NCAM2: variants seen among roughly 807,000 people sequenced by gnomAD.
NCAM2 encodes N-CAM-2.
A neutral mutation model predicts 98.1 loss-of-function variants in NCAM2; 30 were observed. That is an observed-to-expected ratio of 0.31 (90% CI 0.23 to 0.41). The LOEUF is 0.41. Among genes scored for constraint, NCAM2 ranks in the 10% least tolerant of loss-of-function variants. The pLI, the probability that NCAM2 is intolerant of heterozygous loss-of-function variation, is 1.00. For synonymous variants in NCAM2, 368 were observed against 342.4 expected (o/e 1.07, Z -0.83); for missense variants, 867 against 1,005.8 (o/e 0.86, Z 1.87).
At chr21:21,089,840 T>A (rs944500732) in intron 1 of NCAM2, among the ~76,000 whole-genome samples, 2 of 152,196 alleles carry the variant, frequency 1.3e-5, no homozygotes, top group African/African-American at 4.8e-5. Flanking sequence ...CGTATATGGC[T>A]TGTGTGCATG....
At chr21:21,530,303 TTAA>T (rs1569142131) in intron 16 of NCAM2, among the ~76,000 whole-genome samples, 1 of 106,944 alleles carries the variant, frequency 9.4e-6, no homozygotes, top group African/African-American at 3.3e-5. Context: ...TATAATTAAA[TTAA>T]ATTATATATA....
intron 14 of NCAM2, among the ~76,000 whole-genome samples, chr21:21,474,755 A>C (rs1257846132): frequency 6.6e-6 from 1 of 151,992 alleles, no homozygotes; most frequent in African/African-American, 2.4e-5. Context: ...TGTCCTTGCC[A>C]TACACCCCTT....
At chr21:21,526,429 A>C (rs1209188134) in intron 16 of NCAM2, among the ~76,000 whole-genome samples, 1 of 152,140 alleles carries the variant, frequency 6.6e-6, no homozygotes, top group East Asian at 1.9e-4. Context: ...TAAAATATGT[A>C]CAAGATCTAT....
intron 1 of NCAM2, among the ~76,000 whole-genome samples, chr21:21,201,730 C>G (rs143814366): frequency 1.4e-4 from 21 of 152,262 alleles, no homozygotes; most frequent in African/African-American, 5.1e-4. Flanking sequence ...TCATTCCTAG[C>G]TGCACGATTG....
chr21:21,539,938 T>G lies in NCAM2; in HGVS notation c.*1981T>G, dbSNP rs1990162937. On this transcript the variant is annotated 3_prime_UTR_variant, in exon 18 of 18. Transcript: ENST00000400546. ...TGTTGTTTGTTTTGTTTTGTACCAG[T>G]GTACTAAAACTAGTCAAAATACTTG... is the stretch of plus-strand genomic sequence containing the variant. 6.6e-6 allele frequency: 1 copy of G among 152,172 alleles called. No individual in the cohort carries two copies. Among genetic ancestry groups the G allele is most frequent in the South Asian group, 2.1e-4 (1 of 4,836 alleles). 9.4% of individuals were successfully genotyped at this position (152,172 alleles called of 1,614,324 possible). A position where few individuals can be genotyped will look rare whatever the true frequency, so the allele number is the denominator to read the frequency against.
At chr21:21,024,714 A>G (rs1446811006) in intron 1 of NCAM2, among the ~76,000 whole-genome samples, 2 of 152,086 alleles carry the variant, frequency 1.3e-5, no homozygotes, top group East Asian at 1.9e-4. Context: ...CGTCTCTACT[A>G]AAAATACAGA....
intron 1 of NCAM2, among the ~76,000 whole-genome samples, chr21:21,127,444 A>G (rs2066850122): frequency 6.6e-6 from 1 of 152,060 alleles, no homozygotes; most frequent in Non-Finnish European, 1.5e-5. Flanking sequence ...AACATTATTT[A>G]TTTATTTGTT....
At chr21:21,364,422 A>G (rs574326102) in intron 8 of NCAM2, among the ~76,000 whole-genome samples, 1 of 152,128 alleles carries the variant, frequency 6.6e-6, no homozygotes, top group East Asian at 1.9e-4. Flanking sequence ...ATCATTCAGC[A>G]TGTCTCCATA....
rs1262726038 is a variant in NCAM2 at position 21,295,561 on chromosome 21, C to G, written c.619+3320C>G. 2.1e-4 allele frequency among the ~76,000 whole-genome samples: 32 copies of G among 151,800 alleles called. No homozygotes were observed. The Admixed American group carries it at 2.1e-3, about 10-fold the overall frequency. ...GAAGCAAACAAAATACACACCATGA[C>G]TGAAATCAAACTTCAAGAAAACATC... On this transcript the variant is annotated intron_variant, in intron 5 of 17. Transcript: ENST00000400546.
At chr21:21,183,932 A>G (rs535108124) in intron 1 of NCAM2, among the ~76,000 whole-genome samples, 7 of 152,138 alleles carry the variant, frequency 4.6e-5, no homozygotes, top group African/African-American at 1.7e-4. Flanking sequence ...CAGTTGATAC[A>G]TGTAAAGAGA....
chr21:21,037,042 C>G lies in NCAM2; in HGVS notation c.55+38424C>G, dbSNP rs530621495. Among the ~76,000 whole-genome samples the G allele has an allele frequency of 1.6e-4, 24 of 151,968 alleles. No individual in the cohort carries two copies. The East Asian group carries it at 4.3e-3, about 27-fold the overall frequency. On this transcript the variant is annotated intron_variant, in intron 1 of 17. Transcript: ENST00000400546. The stretch of plus-strand genomic sequence containing the variant: ...AGTACCTATATTTTGGGGTGAAATG[C>G]TTTTTTTTGAGATGGTCTCACTCTG...
chr21:21,351,924 A>G (rs1471464960), intron 8 of NCAM2, among the ~76,000 whole-genome samples: 4 of 151,620 alleles, frequency 2.6e-5, no homozygotes, highest in Non-Finnish European at 5.9e-5. Context: ...TTTTTTTATT[A>G]TTATTACTAG....
intron 9 of NCAM2, among the ~76,000 whole-genome samples, chr21:21,383,598 T>A (rs1274562490): frequency 1.3e-5 from 2 of 152,176 alleles, no homozygotes; most frequent in African/African-American, 4.8e-5. Flanking sequence ...TAGTTGTTTT[T>A]GAAATTTATT....
chr21:21,378,760 C>T (rs880570), intron 9 of NCAM2, among the ~76,000 whole-genome samples: 97,443 of 151,790 alleles, frequency 0.64, 31,487 homozygotes, highest in Middle Eastern at 0.73. Context: ...GGACATTTTA[C>T]GTGTTTTTAG....
Position 21,466,715 on chromosome 21 carries a change from A to G in NCAM2, c.1764A>G (p.Thr588=). The change falls in exon 13 of 18, where the codon ACA becomes ACG. Residue 588 remains threonine (T), a synonymous_variant. Transcript: ENST00000400546. The stretch of plus-strand genomic sequence containing the variant: ...ACAGTAAAATAGAAATCTTCCAAAC[A>G]TTACCAGTTCGTAAGTAATCATCTC... ...GDYSKIEIFQ[T]LPVREPSPPS... is the part of the protein sequence containing the mutation. 6.2e-7 allele frequency: 1 copy of G among 1,604,196 alleles called. No individual in the cohort carries two copies. Among genetic ancestry groups the G allele is most frequent in the Non-Finnish European group, 8.5e-7 (1 of 1,175,160 alleles).
chr21:20,998,596 G>T lies in NCAM2; in HGVS notation c.33G>T (p.Gly11=). The T allele has an allele frequency of 1.2e-6, 2 of 1,614,128 alleles. No individual in the cohort carries two copies. The highest frequency in any genetic ancestry group is 1.1e-5 in the South Asian group (1 of 91,084). The change falls in exon 1 of 18, where the codon GGG becomes GGT. Residue 11 remains glycine (G), a synonymous_variant. Coordinates refer to ENST00000400546, the MANE Select transcript of NCAM2 (RefSeq NM_004540.5). Reference sequence around the variant, plus strand: ...TCCTCCTCTCCTTCTACCTGCTGGGGTTGCTTGTCAGTAGCGGGCAAGGTA... The same window carrying T: ...TCCTCCTCTCCTTCTACCTGCTGGGTTTGCTTGTCAGTAGCGGGCAAGGTA... MSLLLSFYLL[G]LLVSSGQALL...
intron 1 of NCAM2, among the ~76,000 whole-genome samples, chr21:21,083,073 C>T (rs1310758399): frequency 1.3e-5 from 2 of 152,132 alleles, no homozygotes; most frequent in Non-Finnish European, 2.9e-5. Context: ...CTGGCTTATG[C>T]ATTTTTGAGG....
At chr21:21,213,270 A>G (rs1435048075) in intron 1 of NCAM2, among the ~76,000 whole-genome samples, 3 of 152,172 alleles carry the variant, frequency 2.0e-5, no homozygotes, top group Admixed American at 2.0e-4. Context: ...TGGATAATGT[A>G]TTTAACTTCT....
At chr21:21,166,398 G>T (rs1283022266) in intron 1 of NCAM2, among the ~76,000 whole-genome samples, 2 of 151,680 alleles carry the variant, frequency 1.3e-5, no homozygotes, top group East Asian at 3.9e-4. Flanking sequence ...AGTGGAGACG[G>T]GGTTTCACCA....
Sources: gnomAD v4.1 joint callset for allele counts (sites outside exome capture counted in the v4.1 genomes callset) on GRCh38, gnomAD v4.1.1 for gene constraint, MANE v1.5 for transcripts, NCBI Gene and HGNC (gene_info 2026-07-23, HGNC 2026-07-21) for gene names.